The following ARL15 variants were observed in gnomAD, a reference collection of about 807,000 sequenced individuals.
ARL15 encodes the protein ARF like GTPase 15, also known as ADP-ribosylation factor-like protein 15.
In ARL15, 19 loss-of-function variants were observed where a neutral mutation model predicts 25.2. The observed-to-expected ratio is 0.75, with a 90% CI of 0.53 to 1.10. The LOEUF is 1.10. Among genes scored for constraint, ARL15 ranks in the 50% least tolerant of loss-of-function variants. The pLI is 0.00. For missense variants in ARL15, 220 were observed against 246.0 expected (o/e 0.89, Z 0.71); for synonymous variants, 94 against 86.8 (o/e 1.08, Z -0.46).
chr5:54,049,419 T>A (rs886800893), intron 4 of ARL15, among the ~76,000 whole-genome samples: 1 of 152,052 alleles, frequency 6.6e-6, no homozygotes, highest in African/African-American at 2.4e-5. Flanking sequence ...TACATAGGTA[T>A]CTTAAATCCA....
intron 1 of ARL15, among the ~76,000 whole-genome samples, chr5:54,203,338 CCATTAA>C (rs918526164): frequency 1.7e-4 from 26 of 152,270 alleles, no homozygotes; most frequent in Admixed American, 1.3e-3. Flanking sequence ...TGGTCACTTA[CCATTAA>C]CATTAACTAT....
intron 4 of ARL15, among the ~76,000 whole-genome samples, chr5:53,944,789 TG>T: frequency 6.6e-6 from 1 of 152,352 alleles, no homozygotes; most frequent in South Asian, 2.1e-4. Context: ...CTATTTCTTT[TG>T]CTCGTCACTA....
At chr5:54,205,907 C>G (rs1004254834) in intron 1 of ARL15, among the ~76,000 whole-genome samples, 1 of 152,122 alleles carries the variant, frequency 6.6e-6, no homozygotes, top group Non-Finnish European at 1.5e-5. Context: ...AAGACATGAA[C>G]ACTGTTTAAT....
intron 4 of ARL15, among the ~76,000 whole-genome samples, chr5:53,891,967 A>G (rs1744726865): frequency 6.6e-6 from 1 of 152,208 alleles, no homozygotes; most frequent in Admixed American, 6.5e-5. Context: ...TGAGAAGAGC[A>G]CTGTCCTCAT....
At chr5:54,054,607 G>A (rs1332437709) in intron 4 of ARL15, among the ~76,000 whole-genome samples, 1 of 152,096 alleles carries the variant, frequency 6.6e-6, no homozygotes, top group Non-Finnish European at 1.5e-5. Context: ...TGGCTAACAC[G>A]GTGAAACCCC....
At chr5:54,173,929 A>G (rs551488568) in intron 1 of ARL15, among the ~76,000 whole-genome samples, 29 of 151,902 alleles carry the variant, frequency 1.9e-4, no homozygotes, top group African/African-American at 6.8e-4. Context: ...TCTTCCCCCA[A>G]TTCTGGACTT....
intron 4 of ARL15, among the ~76,000 whole-genome samples, chr5:53,933,155 C>G (rs1186638999): frequency 6.6e-6 from 1 of 152,118 alleles, no homozygotes; most frequent in Non-Finnish European, 1.5e-5. Flanking sequence ...AAACAACAAC[C>G]CTACCCAACT....
intron 4 of ARL15, among the ~76,000 whole-genome samples, chr5:53,964,763 G>C (rs1028364865): frequency 2.6e-5 from 4 of 152,142 alleles, no homozygotes; most frequent in African/African-American, 9.7e-5. Flanking sequence ...TCCTAATGTA[G>C]AAATACTTTC....
chr5:54,147,991 G>A (rs1753959607), intron 3 of ARL15, among the ~76,000 whole-genome samples: 1 of 152,100 alleles, frequency 6.6e-6, no homozygotes, highest in Non-Finnish European at 1.5e-5. Flanking sequence ...GATCTGGAGG[G>A]GGATGATGCA....
intron 1 of ARL15, among the ~76,000 whole-genome samples, chr5:54,175,624 C>A (rs1182451292): frequency 6.7e-6 from 1 of 149,614 alleles, no homozygotes; most frequent in Non-Finnish European, 1.5e-5. Context: ...TGTGAGCCAC[C>A]ATGCCCAGCC....
intron 4 of ARL15, among the ~76,000 whole-genome samples, chr5:53,896,278 C>T (rs974824514): frequency 1.3e-5 from 2 of 152,184 alleles, no homozygotes; most frequent in Non-Finnish European, 2.9e-5. Context: ...AAGTGATCTG[C>T]CTGCCTCGGC....
Position 53,886,662 on chromosome 5 carries a change from G to A in ARL15, c.514C>T (p.Leu172=). The A allele has an allele frequency of 1.3e-6, 2 of 1,576,438 alleles. No homozygotes were observed. Among genetic ancestry groups the A allele is most frequent in the Non-Finnish European group, 1.7e-6 (2 of 1,159,648 alleles). The change falls in exon 5 of 5, where the codon CTA becomes TTA. Residue 172 remains leucine, a synonymous_variant. Transcript: ENST00000504924. ...ATGTCATCCAGTGAGCAGGGCTGTAGAATCCAGCGTTTTCCACGTGCAAGT... is the reference window on the plus strand; with the variant it reads ...ATGTCATCCAGTGAGCAGGGCTGTAAAATCCAGCGTTTTCCACGTGCAAGT... The part of the protein sequence containing the change: ...EPLARGKRWI[L]QPCSLDDMDA...
intron 1 of ARL15, among the ~76,000 whole-genome samples, chr5:54,236,847 C>G (rs1257763554): frequency 1.3e-5 from 2 of 152,192 alleles, no homozygotes; most frequent in Non-Finnish European, 2.9e-5. Context: ...CCAGAGCATG[C>G]TGAACCTTGG....
intron 1 of ARL15, among the ~76,000 whole-genome samples, chr5:54,290,076 T>C (rs994406626): frequency 6.6e-6 from 1 of 152,178 alleles, no homozygotes; most frequent in Non-Finnish European, 1.5e-5. Context: ...CTGCAAATAC[T>C]GTAACCCAGA....
intron 4 of ARL15, among the ~76,000 whole-genome samples, chr5:53,984,798 C>T (rs968719516): frequency 3.3e-5 from 5 of 152,108 alleles, no homozygotes; most frequent in African/African-American, 9.7e-5. Flanking sequence ...TTTATACATT[C>T]AGCCCAACTT....
intron 4 of ARL15, among the ~76,000 whole-genome samples, chr5:53,987,861 G>A (rs1703135088): frequency 6.6e-6 from 1 of 152,186 alleles, no homozygotes; most frequent in South Asian, 2.1e-4. Context: ...CCAGCACTTT[G>A]GAAGGCCGAG....
intron 4 of ARL15, among the ~76,000 whole-genome samples, chr5:53,912,615 C>A (rs1161833323): frequency 6.6e-6 from 1 of 152,186 alleles, no homozygotes; most frequent in Non-Finnish European, 1.5e-5. Context: ...AGCACCCCCT[C>A]CTCCAAAGGG....
intron 4 of ARL15, among the ~76,000 whole-genome samples, chr5:53,910,103 A>C (rs1321543339): frequency 6.6e-6 from 1 of 152,208 alleles, no homozygotes; most frequent in African/African-American, 2.4e-5. Context: ...AGGATTCTTA[A>C]CTTTCACAAT....
chr5:54,004,243 T>C (rs10940354), intron 4 of ARL15, among the ~76,000 whole-genome samples: 41,780 of 151,752 alleles, frequency 0.28, 5,931 homozygotes, highest in East Asian at 0.45. Context: ...GCCTGTAATC[T>C]CAGCACTTTG....
Sources: gnomAD v4.1 joint callset for allele counts (sites outside exome capture counted in the v4.1 genomes callset) on GRCh38, gnomAD v4.1.1 for gene constraint, MANE v1.5 for transcripts, NCBI Gene and HGNC (gene_info 2026-07-23, HGNC 2026-07-21) for gene names.